Variants in MDN1 observed in about 807,000 individuals in gnomAD.
The protein encoded by MDN1 is midasin.
MDN1 carries 266 observed loss-of-function variants against 669.2 expected under a neutral mutation model. The observed-to-expected ratio is 0.40, with a 90% CI of 0.36 to 0.44. The LOEUF (loss-of-function observed/expected upper bound fraction) is 0.44. Among genes scored for constraint, MDN1 ranks in the 20% least tolerant of loss-of-function variants. The probability of loss-of-function intolerance (pLI) is 1.00; values close to 1 mark genes in which losing one functional copy is unlikely to be tolerated. For missense variants in MDN1, 5,940 were observed against 6,754.0 expected, an observed-to-expected ratio of 0.88 and a Z score of 4.22; for synonymous variants, 2,385 against 2,457.1, an observed-to-expected ratio of 0.97 and a Z score of 0.87.
Position 89,725,315 on chromosome 6 carries a change from C to G in MDN1, c.5554G>C (p.Gly1852Arg). Residue 1852 changes from glycine to arginine, a missense_variant, in exon 38 of 102, where the codon GGA becomes CGA. Coordinates refer to ENST00000369393, the MANE Select transcript of MDN1 (RefSeq NM_014611.3). ...HRGEIYVPEL[G>R]MSFQVQHEKT... ...TCATGCTGCACTTGAAAGCTCATTC[C>G]TAACTCAGGCACATAGATTTCTCCT... 6.2e-7 allele frequency: 1 copy of G among 1,613,978 alleles called. No individual in the cohort carries two copies. Among genetic ancestry groups the G allele is most frequent in the Non-Finnish European group, 8.5e-7 (1 of 1,179,956 alleles).
Position 89,819,530 on chromosome 6 carries a change from C to T in MDN1, c.78G>A (p.Glu26=). The change falls in exon 1 of 102, where the codon GAG becomes GAA. Residue 26 remains glutamate (E), a synonymous_variant. Coordinates refer to ENST00000369393, the MANE Select transcript of MDN1 (RefSeq NM_014611.3). ...IAAKNEKSRS[E]LGRFLAKQVW... Reference sequence around the variant, plus strand: ...CCTGCTTGGCCAAGAACCTGCCCAACTCACTGCGGCTCTTCTCGTTCTTGG... The same window carrying T: ...CCTGCTTGGCCAAGAACCTGCCCAATTCACTGCGGCTCTTCTCGTTCTTGG... The T allele has an allele frequency of 1.2e-6, 2 of 1,606,060 alleles. No individual in the cohort carries two copies. Among genetic ancestry groups the T allele is most frequent in the Non-Finnish European group, 1.7e-6 (2 of 1,179,980 alleles).
Position 89,699,759 on chromosome 6 carries a change from G to A in MDN1, c.8871-32C>T, listed in dbSNP as rs879070643. On this transcript the variant is annotated intron_variant, in intron 57 of 101. Coordinates refer to ENST00000369393, the MANE Select transcript of MDN1 (RefSeq NM_014611.3). ...CAAAAATAAAGAGGGAGAGGGTGGG[G>A]TATGGACTATCAATGAACTACTGGA... 11 of 1,610,022 alleles carry A rather than the reference G, an allele frequency of 6.8e-6. No homozygotes were observed. The East Asian group carries it at 2.2e-4, about 33-fold the overall frequency.
chr6:89,813,726 G>A (rs190579647), intron 1 of MDN1, among the ~76,000 whole-genome samples: 10 of 151,752 alleles, frequency 6.6e-5, no homozygotes, highest in African/African-American at 1.4e-4. Flanking sequence ...ACACTGTTTC[G>A]GGCAGGGGAA....
At position 89,695,734 on chromosome 6, in the gene MDN1, C is replaced by G. The variant is rs149972858; in HGVS notation, c.9642G>C (p.Leu3214=). The change falls in exon 61 of 102, where the codon CTG becomes CTC. Residue 3214 remains leucine (L), a synonymous_variant. Coordinates refer to ENST00000369393, the MANE Select transcript of MDN1 (RefSeq NM_014611.3). This position sits in a 1 kb window ranked among gnomAD's most constrained non-coding sequence, Gnocchi z 4.1. ...GGCTCCCACGCTGGGCTGGCTCAGG[C>G]AGGCTCCTCTTACTCTCCCCTTCAC... ...FVGEGESKRS[L]PEPAQRGSLW... is the part of the protein sequence containing the mutation. 13 of 1,613,746 alleles carry G rather than the reference C, an allele frequency of 8.1e-6. No homozygotes were observed. The African/African-American group carries it at 1.6e-4, about 20-fold the overall frequency.
At chr6:89,659,529 T>C (rs936164457) in intron 88 of MDN1, among the ~76,000 whole-genome samples, 1 of 152,232 alleles carries the variant, frequency 6.6e-6, no homozygotes, top group African/African-American at 2.4e-5. Context: ...ATATTTAATA[T>C]CTGACACTTT....
chr6:89,779,822 C>T (rs1370504257), intron 11 of MDN1, among the ~76,000 whole-genome samples: 10 of 152,050 alleles, frequency 6.6e-5, no homozygotes, highest in African/African-American at 2.2e-4. Context: ...TCCCAGCACT[C>T]TGGGAGGCCG....
At chr6:89,758,115 G>A (rs371671181) in intron 19 of MDN1, 140 bp downstream of exon 19, 3 of 639,482 alleles carry the variant, frequency 4.7e-6, no homozygotes, top group East Asian at 5.5e-5. Context: ...TCAGGATTCT[G>A]AGGTGGGAGG....
Position 89,677,627 on chromosome 6 carries a change from G to T in MDN1, c.12482C>A (p.Pro4161Gln). ...GGACAATGCGCTCTGGAGATCTAAT[G>T]GGTGAAGATGAAGCATCTCTTGAGG... ...KNPQEMLHLH[P>Q]LDLQSALSIV... is the part of the protein sequence containing the mutation. Residue 4161 changes from proline (P) to glutamine (Q), a missense_variant, in exon 76 of 102, where the codon CCA (proline) becomes CAA (glutamine). By Grantham distance (76) the Pro-to-Gln change is moderately conservative (BLOSUM62 -1). This residue lies in a region of MDN1 where 2,280 missense variants were observed against 2,576.3 expected (regional missense o/e 0.88). Coordinates refer to ENST00000369393, the MANE Select transcript of MDN1 (RefSeq NM_014611.3). The T allele has an allele frequency of 6.2e-7, 1 of 1,614,184 alleles. No homozygotes were observed. The highest frequency in any genetic ancestry group is 8.5e-7 in the Non-Finnish European group (1 of 1,180,018).
rs553138970 is a variant in MDN1 at position 89,709,160 on chromosome 6, G to C, written c.7766-532C>G. Among the ~76,000 whole-genome samples the C allele has an allele frequency of 1.1e-4, 16 of 152,276 alleles. No individual in the cohort carries two copies. The East Asian group carries it at 2.9e-3, about 28-fold the overall frequency. The stretch of plus-strand genomic sequence containing the variant: ...CTGACACAACTTCTGTGAAGCAGCA[G>C]GAGGAGACTGACATTCTCCAGAAGT... On this transcript the variant is annotated intron_variant, in intron 50 of 101. Coordinates refer to ENST00000369393, the MANE Select transcript of MDN1 (RefSeq NM_014611.3).
At chr6:89,787,797 T>C in intron 8 of MDN1, 57 bp downstream of exon 8, 1 of 1,364,972 alleles carries the variant, frequency 7.3e-7, no homozygotes, top group African/African-American at 1.5e-5. Flanking sequence ...TGGCTCAGCA[T>C]GCAGACTTAC....
At chr6:89,770,674 G>T (rs1018300690) in intron 15 of MDN1, among the ~76,000 whole-genome samples, 7 of 151,868 alleles carry the variant, frequency 4.6e-5, no homozygotes, top group Non-Finnish European at 1.0e-4. Context: ...ACTAATTTTC[G>T]TATTTATTGG....
In MDN1 at chr6:89,794,187, G is replaced by A; in HGVS notation, c.575C>T (p.Ala192Val). The change falls in exon 4 of 102, where the codon GCT (alanine) becomes GTT (valine). Residue 192 changes from alanine (A) to valine (V), a missense_variant. Coordinates refer to ENST00000369393, the MANE Select transcript of MDN1 (RefSeq NM_014611.3). ...CTCTTCATTCATACAGGTAACCAAAGCAAGACAATTGGCTGTATACCTAGG... is the reference window on the plus strand; with the variant it reads ...CTCTTCATTCATACAGGTAACCAAAACAAGACAATTGGCTGTATACCTAGG... ...LVRWYTANCL[A>V]LVTCMNEEHK... The A allele has an allele frequency of 6.3e-7, 1 of 1,593,916 alleles. No individual in the cohort carries two copies. The highest frequency in any genetic ancestry group is 8.5e-7 in the Non-Finnish European group (1 of 1,172,078).
At chr6:89,661,644 C>A (rs754937804) in intron 87 of MDN1, 66 bp from the exon 88 acceptor site, 1 of 1,445,916 alleles carries the variant, frequency 6.9e-7, no homozygotes, top group Non-Finnish European at 9.3e-7. Context: ...AAGTAGAATT[C>A]CCATAAAATC....
intron 1 of MDN1, among the ~76,000 whole-genome samples, chr6:89,812,616 T>C (rs1296477445): frequency 6.6e-6 from 1 of 152,108 alleles, no homozygotes; most frequent in Non-Finnish European, 1.5e-5. Flanking sequence ...AACTGCTAAC[T>C]GATCAGTTAG....
chr6:89,781,167 G>C, intron 10 of MDN1: 4 of 555,074 alleles, frequency 7.2e-6, no homozygotes. Flanking sequence ...CCCTAATCGA[G>C]CCTTCCCAGT....
At position 89,720,809 on chromosome 6, in the gene MDN1, T is replaced by G. The variant is rs1178046611; in HGVS notation, c.5968-1584A>C. On this transcript the variant is annotated intron_variant, in intron 40 of 101. Coordinates refer to ENST00000369393, the MANE Select transcript of MDN1 (RefSeq NM_014611.3). Reference sequence around the variant, plus strand: ...CCTACGTATGATAAATGAGTTAGTGTGTAATTAGATTCTGAATACCACACT... The same window carrying G: ...CCTACGTATGATAAATGAGTTAGTGGGTAATTAGATTCTGAATACCACACT... 2.0e-5 allele frequency among the ~76,000 whole-genome samples: 3 copies of G among 152,224 alleles called. No individual in the cohort carries two copies. The East Asian group carries it at 5.8e-4, about 29-fold the overall frequency.
At chr6:89,676,333 A>G in intron 76 of MDN1, 126 bp from the exon 77 acceptor site, 1 of 752,292 alleles carries the variant, frequency 1.3e-6, no homozygotes, top group East Asian at 2.6e-5. Flanking sequence ...GTTTATTTCT[A>G]TGAGGAATCA....
intron 9 of MDN1, 69 bp downstream of exon 9, chr6:89,784,943 T>C: frequency 9.8e-7 from 1 of 1,016,316 alleles, no homozygotes; most frequent in East Asian, 2.4e-5. Context: ...TGGTTTATTA[T>C]ACTATTTCCT....
intron 17 of MDN1, among the ~76,000 whole-genome samples, chr6:89,760,893 G>A (rs967325706): frequency 1.3e-5 from 2 of 152,192 alleles, no homozygotes; most frequent in Non-Finnish European, 1.5e-5. Context: ...AGGCGCGGTG[G>A]CTCACGCCTG....
Sources: gnomAD v4.1 joint callset for allele counts (sites outside exome capture counted in the v4.1 genomes callset) on GRCh38, gnomAD v4.1.1 for gene constraint, gnomAD v4.1.1 regional missense constraint, Gnocchi (gnomAD v3.1) non-coding constraint, MANE v1.5 for transcripts, NCBI Gene and HGNC (gene_info 2026-07-23, HGNC 2026-07-21) for gene names.